Variants in LDLRAD3 observed in about 807,000 individuals in gnomAD.
LDLRAD3 encodes the protein low density lipoprotein receptor class A domain containing 3.
LDLRAD3 carries 20 observed loss-of-function variants against 29.4 expected under a neutral mutation model. The observed-to-expected ratio is 0.68, with a 90% confidence interval of 0.48 to 0.99. The LOEUF (loss-of-function observed/expected upper bound fraction) is 0.99, where lower values mean the gene tolerates loss of function less well. LDLRAD3 is among the 50% of genes least tolerant of loss of function. The pLI is 0.00. For synonymous variants in LDLRAD3, 157 were observed against 192.7 expected (o/e 0.81, Z 1.53); for missense variants, 420 against 454.3 (o/e 0.92, Z 0.69).
intron 4 of LDLRAD3, among the ~76,000 whole-genome samples, chr11:36,203,313 C>T (rs975777751): frequency 1.3e-5 from 2 of 152,200 alleles, no homozygotes; most frequent in African/African-American, 4.8e-5. Context: ...TTCACAAACA[C>T]CTCATGAGAT....
At chr11:36,191,574 C>CTATATATATATATA (rs1242651513) in intron 4 of LDLRAD3, among the ~76,000 whole-genome samples, 2 of 67,854 alleles carry the variant, frequency 2.9e-5, no homozygotes, top group African/African-American at 1.4e-4. Flanking sequence ...CTCTCTCTCT[C>CTATATATATATATA]TCTATATATA....
Position 35,947,339 on chromosome 11 carries a change from G to A in LDLRAD3, c.46+3195G>A, listed in dbSNP as rs543656002. Among the ~76,000 whole-genome samples the A allele has an allele frequency of 4.5e-4, 69 of 151,838 alleles. 2 individuals are homozygous for A. Among genetic ancestry groups the A allele is most frequent in the African/African-American group, 1.4e-3 (57 of 41,402 alleles). ...GCCTGGCCAACATGGTGAAACCGTC[G>A]TCTCTACTAAAAATACAAAAATTAG... On this transcript the variant is annotated intron_variant, in intron 1 of 5. Transcript: ENST00000315571.
chr11:35,960,462 G>T (rs1373111891), intron 1 of LDLRAD3, among the ~76,000 whole-genome samples: 1 of 152,134 alleles, frequency 6.6e-6, no homozygotes, highest in African/African-American at 2.4e-5. Flanking sequence ...CTATAAAATG[G>T]TCCTGCCCAT....
At chr11:36,094,493 A>T (rs1166231224) in intron 3 of LDLRAD3, among the ~76,000 whole-genome samples, 1 of 152,206 alleles carries the variant, frequency 6.6e-6, no homozygotes, top group East Asian at 1.9e-4. Flanking sequence ...GTAACAGTAT[A>T]ACACATGGTA....
intron 4 of LDLRAD3, among the ~76,000 whole-genome samples, chr11:36,178,810 T>G (rs1181571262): frequency 6.6e-6 from 1 of 152,216 alleles, no homozygotes; most frequent in African/African-American, 2.4e-5. Flanking sequence ...CCCTCCTGCC[T>G]TTGAACATCC....
chr11:36,198,050 C>T (rs1855061219), intron 4 of LDLRAD3: 1 of 152,162 alleles, frequency 6.6e-6, no homozygotes, highest in South Asian at 2.1e-4. Context: ...GACCCTGTCT[C>T]TAAAAAATAC....
chr11:36,160,580 C>A (rs999758520), intron 4 of LDLRAD3, among the ~76,000 whole-genome samples: 1 of 152,000 alleles, frequency 6.6e-6, no homozygotes, highest in Non-Finnish European at 1.5e-5. Flanking sequence ...AAATTTTTGG[C>A]CCATCGTTCA....
At chr11:36,042,196 T>C (rs1852391958) in intron 2 of LDLRAD3, among the ~76,000 whole-genome samples, 1 of 152,082 alleles carries the variant, frequency 6.6e-6, no homozygotes, top group Non-Finnish European at 1.5e-5. Flanking sequence ...GTCTTCTGCC[T>C]CTAGGTGGTG....
At chr11:36,216,984 G>A (rs956175566) in intron 4 of LDLRAD3, among the ~76,000 whole-genome samples, 1 of 152,178 alleles carries the variant, frequency 6.6e-6, no homozygotes, top group African/African-American at 2.4e-5. Flanking sequence ...TGCACCCAAA[G>A]ACTAGTTGTA....
intron 2 of LDLRAD3, among the ~76,000 whole-genome samples, chr11:36,048,032 A>T (rs1488104408): frequency 6.7e-6 from 1 of 148,680 alleles, no homozygotes; most frequent in Non-Finnish European, 1.5e-5. Context: ...ACTTAATACG[A>T]TACACTTTTC....
chr11:36,034,985 G>A (rs1446055743), intron 1 of LDLRAD3, among the ~76,000 whole-genome samples: 2 of 152,176 alleles, frequency 1.3e-5, no homozygotes, highest in Non-Finnish European at 2.9e-5. Flanking sequence ...CTGCTACCCC[G>A]AGGCGGGTCT....
chr11:36,226,169 A>G (rs112939107), intron 4 of LDLRAD3, among the ~76,000 whole-genome samples: 18 of 152,318 alleles, frequency 1.2e-4, no homozygotes, highest in African/African-American at 4.3e-4. Context: ...CAGGGGCCTG[A>G]TGAGTATTGA....
chr11:36,190,621 C>T (rs1056971292), intron 4 of LDLRAD3, among the ~76,000 whole-genome samples: 1 of 151,882 alleles, frequency 6.6e-6, no homozygotes, highest in Non-Finnish European at 1.5e-5. Context: ...GATATATATC[C>T]AAATCGTAGG....
At chr11:36,090,022 G>T (rs981685027) in intron 3 of LDLRAD3, among the ~76,000 whole-genome samples, 2 of 151,932 alleles carry the variant, frequency 1.3e-5, no homozygotes, top group African/African-American at 4.8e-5. Context: ...CATTATTTTT[G>T]TCCTCACTTT....
chr11:36,187,620 C>CCAAAAGA (rs1437664988), intron 4 of LDLRAD3, among the ~76,000 whole-genome samples: 3 of 152,180 alleles, frequency 2.0e-5, no homozygotes, highest in Non-Finnish European at 4.4e-5. Context: ...ATGGACTCCC[C>CCAAAAGA]CAAAAGAGTT....
intron 1 of LDLRAD3, among the ~76,000 whole-genome samples, chr11:36,020,404 T>G (rs979695484): frequency 6.6e-6 from 1 of 152,210 alleles, no homozygotes; most frequent in Non-Finnish European, 1.5e-5. Flanking sequence ...AAATAGGGAC[T>G]GTCCACAAGA....
At chr11:36,139,729 C>CT (rs1854053227) in intron 4 of LDLRAD3, among the ~76,000 whole-genome samples, 1 of 152,176 alleles carries the variant, frequency 6.6e-6, no homozygotes, top group African/African-American at 2.4e-5. Context: ...GTTGGTGTCT[C>CT]TGTCTGTCTG....
At chr11:36,084,912 A>G (rs774064116) in intron 3 of LDLRAD3, among the ~76,000 whole-genome samples, 1 of 152,242 alleles carries the variant, frequency 6.6e-6, no homozygotes, top group Non-Finnish European at 1.5e-5. Context: ...TATATAATAC[A>G]TCTGTGTACG....
intron 1 of LDLRAD3, among the ~76,000 whole-genome samples, chr11:36,021,797 T>G (rs556042804): frequency 6.6e-6 from 1 of 152,288 alleles, no homozygotes; most frequent in East Asian, 1.9e-4. Context: ...CACATGCCAC[T>G]ATGCCTGGCT....
Sources: allele counts gnomAD v4.1 joint callset (sites outside exome capture counted in the v4.1 genomes callset), GRCh38; gene constraint gnomAD v4.1.1; transcripts MANE v1.5; gene names NCBI Gene and HGNC (gene_info 2026-07-23, HGNC 2026-07-21).